SV2C: variants seen among roughly 807,000 people sequenced by gnomAD.
SV2C encodes the protein solute carrier family 22 member B3.
SV2C carries 49 observed loss-of-function variants against 79.7 expected under a neutral mutation model. That is an observed-to-expected ratio of 0.61 (90% confidence interval 0.49 to 0.78). SV2C has a LOEUF of 0.78. Among genes scored for constraint, SV2C ranks in the 30% least tolerant of loss-of-function variants. The pLI, the probability that SV2C is intolerant of heterozygous loss-of-function variation, is 0.00. For synonymous variants in SV2C, 334 were observed against 333.2 expected (o/e 1.00, Z -0.03); for missense variants, 833 against 912.9 (o/e 0.91, Z 1.13).
Position 76,280,660 on chromosome 5 carries a change from G to A in SV2C, c.914-4502G>A, listed in dbSNP as rs189689594. Among the ~76,000 whole-genome samples, 31 of 152,290 alleles carry A rather than the reference G, an allele frequency of 2.0e-4. 1 individual carries two copies. Among genetic ancestry groups the A allele is most frequent in the Admixed American group, 1.3e-3 (20 of 15,308 alleles). On this transcript the variant is annotated intron_variant, in intron 4 of 12. Coordinates refer to ENST00000502798, the MANE Select transcript of SV2C (RefSeq NM_014979.4). ...AGCCTGCCCCGGCGGCCTCGTGGCC[G>A]GCTCCGAGGTGGCCTGGCTGCTTTC...
At chr5:76,145,756 T>A (rs762430517) in intron 2 of SV2C, among the ~76,000 whole-genome samples, 2 of 152,188 alleles carry the variant, frequency 1.3e-5, no homozygotes, top group Non-Finnish European at 2.9e-5. Context: ...AAACCAAATC[T>A]ACCCAAGTGG....
At chr5:76,030,129 C>T in the SV2C span, among the ~76,000 whole-genome samples, 1 of 151,910 alleles carries the variant, frequency 6.6e-6, no homozygotes, top group African/African-American at 2.4e-5. Context: ...CCAGTAAATT[C>T]TGAGTAACTA....
At chr5:76,086,268 G>A (rs539216309) in intron 1 of SV2C, among the ~76,000 whole-genome samples, 2 of 152,186 alleles carry the variant, frequency 1.3e-5, no homozygotes, top group East Asian at 1.9e-4. Context: ...AATATATCAC[G>A]TGACGACAAG....
the SV2C span, among the ~76,000 whole-genome samples, chr5:75,881,817 A>G: frequency 3.3e-5 from 5 of 149,630 alleles, no homozygotes; most frequent in South Asian, 1.1e-3. Context: ...TGCCCTGGCC[A>G]GAACTTCCAA....
chr5:75,962,071 G>A, the SV2C span, among the ~76,000 whole-genome samples: 6 of 152,104 alleles, frequency 3.9e-5, no homozygotes, highest in Admixed American at 2.0e-4. Flanking sequence ...ACTGGACACA[G>A]TCACCTCTTC....
chr5:76,016,837 G>A, the SV2C span, among the ~76,000 whole-genome samples: 1 of 152,158 alleles, frequency 6.6e-6, no homozygotes, highest in African/African-American at 2.4e-5. Context: ...AAACTTGGAG[G>A]CATGGCTTTC....
the SV2C span, among the ~76,000 whole-genome samples, chr5:75,992,388 G>A: frequency 6.6e-6 from 1 of 151,794 alleles, no homozygotes; most frequent in African/African-American, 2.4e-5. Context: ...TGCACGGTTT[G>A]GTATACATGA....
chr5:75,989,635 T>A, the SV2C span, among the ~76,000 whole-genome samples: 1 of 152,168 alleles, frequency 6.6e-6, no homozygotes, highest in East Asian at 1.9e-4. Context: ...TTCTATTCCC[T>A]TGGGTATATA....
chr5:75,915,579 T>C, the SV2C span, among the ~76,000 whole-genome samples: 2 of 152,190 alleles, frequency 1.3e-5, no homozygotes, highest in African/African-American at 4.8e-5. Flanking sequence ...AACTCAACAT[T>C]TGTTAAGCAC....
the SV2C span, among the ~76,000 whole-genome samples, chr5:75,899,622 G>T: frequency 1.3e-5 from 2 of 152,086 alleles, no homozygotes; most frequent in South Asian, 2.1e-4. Context: ...GGGTACCCTT[G>T]TTAACTTTCT....
intron 4 of SV2C, among the ~76,000 whole-genome samples, chr5:76,243,241 A>G (rs972122670): frequency 1.3e-5 from 2 of 152,144 alleles, no homozygotes; most frequent in African/African-American, 4.8e-5. Context: ...AAAAAAATGT[A>G]TGTTTTCTAA....
At chr5:76,002,189 T>TATATATAA in the SV2C span, among the ~76,000 whole-genome samples, 1 of 147,750 alleles carries the variant, frequency 6.8e-6, no homozygotes, top group African/African-American at 2.5e-5. Context: ...TATATATATA[T>TATATATAA]AATATTTTCT....
chr5:76,128,047 C>T (rs563829753), intron 1 of SV2C, among the ~76,000 whole-genome samples: 2 of 152,212 alleles, frequency 1.3e-5, no homozygotes, highest in South Asian at 2.1e-4. Context: ...GTCCTAAAAC[C>T]GGGGTAAACA....
chr5:76,139,415 A>T (rs1231273054), intron 2 of SV2C, among the ~76,000 whole-genome samples: 1 of 152,232 alleles, frequency 6.6e-6, no homozygotes, highest in African/African-American at 2.4e-5. Flanking sequence ...AGCTTTCTCT[A>T]GAGCTTGCCC....
intron 2 of SV2C, among the ~76,000 whole-genome samples, chr5:76,162,889 G>C (rs2112252487): frequency 6.6e-6 from 1 of 152,284 alleles, no homozygotes; most frequent in East Asian, 1.9e-4. Context: ...TGTCTTTAGT[G>C]CAGGACTTCT....
chr5:75,944,390 A>G, the SV2C span, among the ~76,000 whole-genome samples: 1 of 152,150 alleles, frequency 6.6e-6, no homozygotes, highest in Admixed American at 6.5e-5. Flanking sequence ...TTAGCAAGCT[A>G]ATTAAATTAA....
chr5:75,978,129 C>T, the SV2C span, among the ~76,000 whole-genome samples: 1 of 152,170 alleles, frequency 6.6e-6, no homozygotes, highest in Admixed American at 6.5e-5. Context: ...ACCAATGACC[C>T]CCATATTGCT....
chr5:76,350,546 T>A (rs944455202), intron 12 of SV2C, among the ~76,000 whole-genome samples: 2 of 152,226 alleles, frequency 1.3e-5, no homozygotes, highest in Non-Finnish European at 2.9e-5. Context: ...AGACAGCAGG[T>A]TGCTGACTGG....
the SV2C span, among the ~76,000 whole-genome samples, chr5:75,932,520 C>A: frequency 1.8e-4 from 27 of 152,340 alleles, no homozygotes; most frequent in African/African-American, 6.0e-4. Flanking sequence ...TTATTGACAG[C>A]AAGCCAGTGA....
Sources: allele counts gnomAD v4.1 joint callset (sites outside exome capture counted in the v4.1 genomes callset), GRCh38; gene constraint gnomAD v4.1.1; transcripts MANE v1.5; gene names NCBI Gene and HGNC (gene_info 2026-07-23, HGNC 2026-07-21).